The following KCNT1 variants were observed in gnomAD, a reference collection of about 807,000 sequenced individuals.
The protein encoded by KCNT1 is potassium channel subfamily T member 1.
In KCNT1, 78 loss-of-function variants were observed where a neutral mutation model predicts 147.8. That is an observed-to-expected ratio of 0.53 (90% CI 0.44 to 0.64). The LOEUF (loss-of-function observed/expected upper bound fraction) is 0.64, where lower values mean the gene tolerates loss of function less well. Ranked by LOEUF, KCNT1 falls within the 30% of genes least tolerant of loss-of-function variation. The probability of loss-of-function intolerance (pLI) is 0.00; values close to 1 mark genes in which losing one functional copy is unlikely to be tolerated. For missense variants in KCNT1, 1,419 were observed against 1,750.3 expected (o/e 0.81, Z 3.38); for synonymous variants, 867 against 748.8 (o/e 1.16, Z -2.58).
At chr9:135,726,759 CCCTCTCTCTCTCTT>C (rs1306954360) in intron 2 of KCNT1, among the ~76,000 whole-genome samples, 1 of 110,088 alleles carries the variant, frequency 9.1e-6, no homozygotes, top group African/African-American at 3.4e-5. Context: ...CTCCCTCTCT[CCCTCTCTCTCTCTT>C]CCTCTCTCTC....
At position 135,750,132 on chromosome 9, in the gene KCNT1, T is replaced by C. The variant is rs1251216753; in HGVS notation, c.289T>C (p.Phe97Leu). 2 of 1,613,750 alleles carry C rather than the reference T, an allele frequency of 1.2e-6. No homozygotes were observed. The highest frequency in any genetic ancestry group is 1.1e-5 in the South Asian group (1 of 91,072). ...GGAGTTCTACGTCAACGAGAACACC[T>C]TCAAGGAGCGGCTCAAGCTGTTCTT... ...QVEFYVNENT[F>L]KERLKLFFIK... The change falls in exon 3 of 31, where the codon TTC becomes CTC. Residue 97 changes from phenylalanine to leucine, a missense_variant. Physicochemically the swap from Phe to Leu is conservative, Grantham distance 22. Around this residue, in one of 5 missense-constraint regions of KCNT1, gnomAD observed 181 missense variants for 155.7 expected, o/e 1.16. Transcript: ENST00000371757.
In KCNT1 at chr9:135,794,417, A is replaced by G. The variant is rs935689607; in HGVS notation, c.*2256A>G. The G allele has an allele frequency of 4.6e-5, 7 of 152,224 alleles. No homozygotes were observed. The highest frequency in any genetic ancestry group is 4.6e-4 in the Admixed American group (7 of 15,286). The allele number at this position is 152,224 out of a possible 1,614,324, so 9.4% of individuals were successfully genotyped here. A position where few individuals can be genotyped will look rare whatever the true frequency, so the allele number is the denominator to read the frequency against. On this transcript the variant is annotated 3_prime_UTR_variant, in exon 31 of 31. Transcript: ENST00000371757. ...ATCAGTGGTCCGTTCCCTCCTGCAC[A>G]CTGGTGGCAAGTGGCAGCATTTTTT...
chr9:135,765,229 C>T (rs1217240946), intron 12 of KCNT1, 34 bp downstream of exon 12: 2 of 1,586,058 alleles, frequency 1.3e-6, no homozygotes, highest in Admixed American at 3.4e-5. Context: ...GCAGACGACT[C>T]CCTCCCGGCC....
chr9:135,735,438 C>G (rs1396074432), intron 2 of KCNT1, among the ~76,000 whole-genome samples: 1 of 152,202 alleles, frequency 6.6e-6, no homozygotes, highest in African/African-American at 2.4e-5. Flanking sequence ...GGACCTGCCG[C>G]TGGAGTTTTA....
At chr9:135,728,681 G>T (rs574622152) in intron 2 of KCNT1, among the ~76,000 whole-genome samples, 1 of 152,376 alleles carries the variant, frequency 6.6e-6, no homozygotes, top group East Asian at 1.9e-4. Flanking sequence ...GGCCGGGCAG[G>T]GGTCCTGGGA....
At chr9:135,766,921 G>A (rs1004868827) in intron 13 of KCNT1, among the ~76,000 whole-genome samples, 1 of 152,202 alleles carries the variant, frequency 6.6e-6, no homozygotes. Context: ...GTCAGCTGCT[G>A]TGAGTCAAGG....
intron 2 of KCNT1, among the ~76,000 whole-genome samples, chr9:135,741,954 T>C (rs1830589429): frequency 7.1e-6 from 1 of 140,742 alleles, no homozygotes; most frequent in African/African-American, 2.5e-5. Flanking sequence ...AGGCCGGCCC[T>C]CTGGAGCCCT....
At chr9:135,786,701 C>T (rs1393576297) in intron 29 of KCNT1, among the ~76,000 whole-genome samples, 180 bp downstream of exon 29, 2 of 152,388 alleles carry the variant, frequency 1.3e-5, no homozygotes, top group East Asian at 1.9e-4. Context: ...CAGCTGTGGG[C>T]ACCACCACGG....
chr9:135,762,890 C>A (rs553463819), intron 11 of KCNT1, among the ~76,000 whole-genome samples: 1 of 152,244 alleles, frequency 6.6e-6, no homozygotes, highest in Admixed American at 6.5e-5. Flanking sequence ...ATGGGTATGG[C>A]CATGGTGACA....
chr9:135,744,510 G>C (rs1369905264), intron 2 of KCNT1, among the ~76,000 whole-genome samples: 2 of 152,228 alleles, frequency 1.3e-5, no homozygotes, highest in African/African-American at 4.8e-5. Flanking sequence ...AGACTCCCCT[G>C]CTGCCGCTAC....
At chr9:135,750,812 C>T (rs376654618) in intron 3 of KCNT1, 130 bp from the exon 4 acceptor site, 10 of 769,738 alleles carry the variant, frequency 1.3e-5, no homozygotes, top group East Asian at 2.5e-5. Flanking sequence ...CAGAGCTCTG[C>T]GTGCAGCCCG....
chr9:135,785,664 C>T, intron 28 of KCNT1: 3 of 546,870 alleles, frequency 5.5e-6, no homozygotes, highest in Admixed American at 6.3e-5. Flanking sequence ...GCCTCCCAGG[C>T]CTTTCTGAAG....
Position 135,785,455 on chromosome 9 carries a change from G to T in KCNT1, c.3177+125G>T, listed in dbSNP as rs754385930. On this transcript the variant is annotated intron_variant, in intron 28 of 30. Coordinates refer to ENST00000371757, the MANE Select transcript of KCNT1 (RefSeq NM_020822.3). ...CAGGGCCCTGGGAAAGCCGAGGCAG[G>T]AGCGGGTCCCACGGATGTGTCGGCC... 3.0e-5 allele frequency: 37 copies of T among 1,224,096 alleles called. No individual in the cohort carries two copies. In the South Asian group the frequency reaches 4.7e-4, roughly 15 times the overall value. The allele number at this position is 1,224,096 out of a possible 1,614,324, so 75.8% of individuals were successfully genotyped here. A position where few individuals can be genotyped will look rare whatever the true frequency, so the allele number is the denominator to read the frequency against.
intron 21 of KCNT1, among the ~76,000 whole-genome samples, chr9:135,777,836 G>C (rs1352924096): frequency 1.4e-5 from 2 of 142,942 alleles, no homozygotes; most frequent in Non-Finnish European, 3.0e-5. Flanking sequence ...AGCTCCCCCA[G>C]TTCCCAGCTA....
At chr9:135,768,448 C>T (rs1832486922) in intron 13 of KCNT1, 162 bp from the exon 14 acceptor site, 3 of 594,174 alleles carry the variant, frequency 5.0e-6, no homozygotes, top group Non-Finnish European at 9.1e-6. Context: ...CCCCGCCTTC[C>T]ATCCTCTCCG....
At chr9:135,749,364 A>G (rs1588306492) in intron 2 of KCNT1, among the ~76,000 whole-genome samples, 1 of 151,760 alleles carries the variant, frequency 6.6e-6, no homozygotes, top group Non-Finnish European at 1.5e-5. Context: ...TCTTCTCAGG[A>G]CCGCCGGGGC....
At chr9:135,713,129 C>T (rs1404751277) in intron 1 of KCNT1, among the ~76,000 whole-genome samples, 2 of 152,122 alleles carry the variant, frequency 1.3e-5, no homozygotes. Flanking sequence ...CCTGAGGAGC[C>T]GGCAGTCTCT....
chr9:135,744,417 G>A (rs767477730), intron 2 of KCNT1, among the ~76,000 whole-genome samples: 1 of 152,246 alleles, frequency 6.6e-6, no homozygotes, highest in African/African-American at 2.4e-5. Flanking sequence ...GCACAGGCAG[G>A]CAGTGGGCAT....
At chr9:135,758,546 TGG>T (rs951709263) in intron 10 of KCNT1, 38 bp downstream of exon 10, 14 of 1,555,468 alleles carry the variant, frequency 9.0e-6, no homozygotes, top group Non-Finnish European at 1.2e-5. Flanking sequence ...CCCAGGACGT[TGG>T]GAGGGCCCGA....
Sources: gnomAD v4.1 joint callset for allele counts (sites outside exome capture counted in the v4.1 genomes callset) on GRCh38, gnomAD v4.1.1 for gene constraint, gnomAD v4.1.1 regional missense constraint, MANE v1.5 for transcripts, NCBI Gene and HGNC (gene_info 2026-07-23, HGNC 2026-07-21) for gene names.